The following MYO19 variants were observed in gnomAD, a reference collection of about 807,000 sequenced individuals.
The protein encoded by MYO19 is myosin XIX.
A neutral mutation model predicts 129.2 loss-of-function variants in MYO19; 132 were observed. The observed-to-expected ratio is 1.02, with a 90% confidence interval of 0.89 to 1.18. The LOEUF (loss-of-function observed/expected upper bound fraction) is 1.18, where lower values mean the gene tolerates loss of function less well. MYO19 is among the 50% of genes most tolerant of loss of function. MYO19 has a pLI of 0.00. For synonymous variants in MYO19, 531 were observed against 477.2 expected, an observed-to-expected ratio of 1.11 and a Z score of -1.47; for missense variants, 1,210 against 1,216.7, an observed-to-expected ratio of 0.99 and a Z score of 0.08.
chr17:36,538,272 G>C (rs765878188), upstream of MYO19: 2 of 1,613,174 alleles, frequency 1.2e-6, no homozygotes, highest in South Asian at 2.2e-5. Flanking sequence ...TTTATTACTG[G>C]GTGATATAAT....
chr17:36,516,316 T>A (rs901421610), intron 6 of MYO19, among the ~76,000 whole-genome samples: 1 of 152,202 alleles, frequency 6.6e-6, no homozygotes, highest in Non-Finnish European at 1.5e-5. Context: ...AATTTAAAAA[T>A]TTATTAAAAA....
chr17:36,541,306 G>C (rs1206608726), intron 2 of MYO19, among the ~76,000 whole-genome samples: 4 of 152,148 alleles, frequency 2.6e-5, no homozygotes. Flanking sequence ...AGTAGCTCTT[G>C]TGTGCCGAAG....
At position 36,511,415 on chromosome 17, in the gene MYO19, G is replaced by A. The variant is rs780844253; in HGVS notation, c.935C>T (p.Ala312Val). ...GGGCTGGGCTTCATCCTCGGAGGCA[G>A]CAAACTGGATATTGCCAAGGTGCAG... ...GLLHLGNIQF[A>V]ASEDEAQPCQ... The change falls in exon 12 of 26, where the codon GCT becomes GTT. Residue 312 changes from alanine (A) to valine (V), a missense_variant. Coordinates refer to ENST00000614623, the MANE Select transcript of MYO19 (RefSeq NM_001163735.2). The A allele has an allele frequency of 6.4e-7, 1 of 1,572,654 alleles. No homozygotes were observed. Among genetic ancestry groups the A allele is most frequent in the Admixed American group, 1.9e-5 (1 of 53,710 alleles).
chr17:36,501,869 C>G (rs902216282), intron 21 of MYO19: 7 of 152,334 alleles, frequency 4.6e-5, no homozygotes, highest in Non-Finnish European at 7.3e-5. Context: ...CTCTGACCAC[C>G]TTAGATGCCC....
At position 36,542,907 on chromosome 17, in the gene MYO19, GT is replaced by G. The variant is rs375870655; in HGVS notation, n.310+218del. On this transcript the variant is annotated intron_variant and non_coding_transcript_variant, in intron 1 of 2. Transcript: ENST00000610496. ...ATTTTTGTATTTTTAGTAGAGACAG[GT>G]TTTCTCCATGTTGCCCAGGCTCGTC... Among the ~76,000 whole-genome samples, 28 of 151,826 alleles carry G rather than the reference GT, an allele frequency of 1.8e-4. No homozygotes were observed. In the South Asian group the frequency reaches 5.8e-3, roughly 32 times the overall value.
At chr17:36,525,655 T>A (rs2073418971) in intron 5 of MYO19, among the ~76,000 whole-genome samples, 1 of 152,214 alleles carries the variant, frequency 6.6e-6, no homozygotes, top group Admixed American at 6.5e-5. Context: ...TAATTTGCAA[T>A]TTGCAAAGTT....
chr17:36,540,126 C>G (rs2074189409), intron 2 of MYO19, among the ~76,000 whole-genome samples: 1 of 152,052 alleles, frequency 6.6e-6, no homozygotes, highest in African/African-American at 2.4e-5. Flanking sequence ...ATCAGGCATC[C>G]TCACCTACCA....
chr17:36,507,587 C>CCG, intron 15 of MYO19, 75 bp from the exon 16 acceptor site: 1 of 1,479,614 alleles, frequency 6.8e-7, no homozygotes. Flanking sequence ...CACGGCTGGC[C>CCG]TCGGTACCAC....
intron 6 of MYO19, among the ~76,000 whole-genome samples, chr17:36,516,528 G>A (rs1349365626): frequency 6.6e-6 from 1 of 152,030 alleles, no homozygotes; most frequent in East Asian, 1.9e-4. Context: ...ACGCCACCAC[G>A]CCTGGCTAAT....
intron 3 of MYO19, among the ~76,000 whole-genome samples, chr17:36,529,710 A>G (rs912316912): frequency 1.1e-4 from 17 of 151,270 alleles, no homozygotes; most frequent in Admixed American, 7.3e-4. Context: ...TATGAAGGGG[A>G]AAAAAAAACC....
rs1035065505 is a variant in MYO19 at position 36,497,615 on chromosome 17, C to T, written c.2757+651G>A. On this transcript the variant is annotated intron_variant, in intron 25 of 25. Transcript: ENST00000614623. ...TTTTTTTTTTTTTTAGATGGACTCT[C>T]GTCCTGTCACCCAGGCTGGAGTGCA... 2.3e-5 allele frequency: 20 copies of T among 881,152 alleles called. No homozygotes were observed. The African/African-American group carries it at 2.5e-4, about 11-fold the overall frequency. 54.6% of individuals were successfully genotyped at this position (881,152 alleles called of 1,614,324 possible).
Position 36,509,054 on chromosome 17 carries a change from C to T in MYO19, c.1231+8G>A. ...TGGAGTGCTCCCAGCACAGTGAGGC[C>T]TTGCTACCTATGAAAGTGGTCCACG... On this transcript the variant is annotated splice_region_variant and intron_variant, in intron 14 of 25. Transcript: ENST00000614623. 1.9e-6 allele frequency: 3 copies of T among 1,613,084 alleles called. No homozygotes were observed. Among genetic ancestry groups the T allele is most frequent in the Non-Finnish European group, 1.7e-6 (2 of 1,179,416 alleles).
At chr17:36,537,847 C>T (rs757722875), upstream of MYO19, 9 of 1,613,966 alleles carry the variant, frequency 5.6e-6, no homozygotes, top group East Asian at 2.2e-5. Flanking sequence ...AAATTGATAA[C>T]ACCACTGCTG....
rs978312774 is a variant in MYO19, at chr17:36,506,829, C to A, written c.1644+134G>T. 4.0e-6 allele frequency: 5 copies of A among 1,236,406 alleles called. No homozygotes were observed. In the Admixed American group the frequency reaches 1.5e-4, roughly 37 times the overall value. The allele number at this position is 1,236,406 out of a possible 1,614,324, so 76.6% of individuals were successfully genotyped here. A position where few individuals can be genotyped will look rare whatever the true frequency, so the allele number is the denominator to read the frequency against. On this transcript the variant is annotated intron_variant, in intron 17 of 25. Transcript: ENST00000614623. ...AGTGGAGACCTCAGACAGGTGGGCCCAAGATGGTGATTCTGGATTCTGGGA... is the reference window on the plus strand; with the variant it reads ...AGTGGAGACCTCAGACAGGTGGGCCAAAGATGGTGATTCTGGATTCTGGGA...
rs1009963892 is a variant in MYO19, at chr17:36,540,330, C to T, written n.395+1751G>A. Among the ~76,000 whole-genome samples, 15 of 150,820 alleles carry T rather than the reference C, an allele frequency of 9.9e-5. 1 individual carries two copies. The South Asian group carries it at 2.5e-3, about 26-fold the overall frequency. ...CCTCCCAAAGTGCTGGGATTACAGG[C>T]GTCGTGATCCTGGCCTATAATGACG... On this transcript the variant is annotated intron_variant and non_coding_transcript_variant, in intron 2 of 2. Transcript: ENST00000610496.
At chr17:36,513,241 C>T in intron 11 of MYO19, 188 bp downstream of exon 11, 2 of 1,457,516 alleles carry the variant, frequency 1.4e-6, no homozygotes, top group Non-Finnish European at 9.0e-7. Context: ...TCCTTATGCC[C>T]CGTCCACCCC....
chr17:36,497,666 CCT>C (rs1171041957), intron 25 of MYO19: 1 of 404,868 alleles, frequency 2.5e-6, no homozygotes, highest in African/African-American at 2.2e-5. Flanking sequence ...CTCACTGCAA[CCT>C]CTCCCTCCCA....
At chr17:36,536,516 T>C (rs1263689550), upstream of MYO19, among the ~76,000 whole-genome samples, 1 of 149,736 alleles carries the variant, frequency 6.7e-6, no homozygotes, top group East Asian at 2.0e-4. Context: ...CCTTTGCTTT[T>C]TCTTTTCCTT....
chr17:36,498,998 G>T, intron 24 of MYO19, 77 bp downstream of exon 24: 1 of 1,195,718 alleles, frequency 8.4e-7, no homozygotes, highest in Non-Finnish European at 1.2e-6. Flanking sequence ...CAGTGGCAGA[G>T]CCAGCATTCC....
Sources: gnomAD v4.1 joint callset for allele counts (sites outside exome capture counted in the v4.1 genomes callset) on GRCh38, gnomAD v4.1.1 for gene constraint, MANE v1.5 for transcripts, NCBI Gene and HGNC (gene_info 2026-07-23, HGNC 2026-07-21) for gene names.